ATP11B: variants seen among roughly 807,000 people sequenced by gnomAD.
ATP11B encodes the protein ATPase phospholipid transporting 11B (putative), also known as phospholipid-transporting ATPase IF.
Under a neutral mutation model 157.8 loss-of-function variants are expected in ATP11B, and 81 were observed. The observed-to-expected ratio is 0.51, with a 90% CI of 0.43 to 0.62. The LOEUF is 0.62. Ranked by LOEUF, ATP11B falls within the 20% of genes least tolerant of loss-of-function variation. The pLI is 0.00. For synonymous variants in ATP11B, 451 were observed against 469.4 expected (o/e 0.96, Z 0.51); for missense variants, 1,165 against 1,402.2 (o/e 0.83, Z 2.70).
intron 12 of ATP11B, among the ~76,000 whole-genome samples, chr3:182,861,227 G>C (rs1302840794): frequency 6.6e-6 from 1 of 151,818 alleles, no homozygotes; most frequent in African/African-American, 2.4e-5. Flanking sequence ...CACCACGCCC[G>C]GCTAATTTTG....
At chr3:182,844,755 C>G (rs1719335139) in intron 8 of ATP11B, 1 of 165,228 alleles carries the variant, frequency 6.1e-6, no homozygotes, top group South Asian at 2.0e-4. Context: ...TTTATTTTCC[C>G]TTTCAAAGCT....
At chr3:182,820,668 CA>C (rs572679394) in intron 2 of ATP11B, among the ~76,000 whole-genome samples, 2,980 of 143,154 alleles carry the variant, frequency 0.021, 46 homozygotes, top group Non-Finnish European at 0.033. Context: ...GACCATGTCT[CA>C]AAAAAAAAAA....
intron 19 of ATP11B, among the ~76,000 whole-genome samples, chr3:182,876,962 T>C (rs1161932615): frequency 4.6e-5 from 7 of 152,346 alleles, no homozygotes; most frequent in Admixed American, 3.9e-4. Flanking sequence ...TCACAGACTT[T>C]CAGGAAGTAT....
chr3:182,851,084 G>A (rs539769848), intron 10 of ATP11B, among the ~76,000 whole-genome samples: 2 of 152,262 alleles, frequency 1.3e-5, no homozygotes, highest in African/African-American at 4.8e-5. Context: ...CTTGAAGTCA[G>A]GAGTTCAAGG....
chr3:182,862,585 A>G (rs948703463), intron 12 of ATP11B, among the ~76,000 whole-genome samples: 1 of 152,106 alleles, frequency 6.6e-6, no homozygotes, highest in Non-Finnish European at 1.5e-5. Flanking sequence ...CAGAATTTAA[A>G]CTACTCCTGA....
chr3:182,845,009 T>TTTTTTTTTTTTTTTTTTTTTA (rs1560081876), intron 8 of ATP11B, among the ~76,000 whole-genome samples: 3 of 112,090 alleles, frequency 2.7e-5, no homozygotes, highest in South Asian at 2.7e-4. Flanking sequence ...TTTTTTTATT[T>TTTTTTTTTTTTTTTTTTTTTA]TTTTTTATTT....
At chr3:182,809,524 C>G (rs1413285334) in intron 1 of ATP11B, among the ~76,000 whole-genome samples, 1 of 152,202 alleles carries the variant, frequency 6.6e-6, no homozygotes, top group African/African-American at 2.4e-5. Flanking sequence ...GCTGGGATTA[C>G]AGGTGTGAGC....
At chr3:182,905,562 T>C (rs1724285899) in intron 28 of ATP11B, among the ~76,000 whole-genome samples, 1 of 152,236 alleles carries the variant, frequency 6.6e-6, no homozygotes, top group Admixed American at 6.5e-5. Context: ...AGCTGTAATA[T>C]ATGTTTAGTT....
At chr3:182,835,327 C>G (rs1184941953) in intron 4 of ATP11B, among the ~76,000 whole-genome samples, 1 of 152,154 alleles carries the variant, frequency 6.6e-6, no homozygotes, top group Non-Finnish European at 1.5e-5. Context: ...TTCCAAAAAT[C>G]TGCTCATTTT....
At position 182,852,406 on chromosome 3, in the gene ATP11B, T is replaced by C. The variant is rs538645353; in HGVS notation, c.851+3849T>C. Among the ~76,000 whole-genome samples, 54 of 152,302 alleles carry C rather than the reference T, an allele frequency of 3.5e-4. 1 individual carries two copies. The South Asian group carries it at 0.01, about 29-fold the overall frequency. ...AGGGATGAAAGAGGGGATAGCTCCA[T>C]AGATGCTACACATATCCAAGGATAA... On this transcript the variant is annotated intron_variant, in intron 10 of 29. Transcript: ENST00000323116.
intron 28 of ATP11B, among the ~76,000 whole-genome samples, chr3:182,900,118 G>A (rs2136333): frequency 0.48 from 73,083 of 152,014 alleles, 20,396 homozygotes; most frequent in African/African-American, 0.78. Flanking sequence ...TCAGTAGTTC[G>A]TGTCCACAAC....
chr3:182,855,834 C>T (rs1363058832), intron 10 of ATP11B, among the ~76,000 whole-genome samples: 2 of 152,074 alleles, frequency 1.3e-5, no homozygotes, highest in African/African-American at 4.8e-5. Flanking sequence ...CAAATTAGAA[C>T]CACATTGGGA....
intron 28 of ATP11B, among the ~76,000 whole-genome samples, chr3:182,911,455 A>G (rs1724791142): frequency 6.6e-6 from 1 of 152,112 alleles, no homozygotes; most frequent in Non-Finnish European, 1.5e-5. Flanking sequence ...GGGCTCTGCA[A>G]GCAAAGAAAC....
At chr3:182,825,861 C>T (rs559115094) in intron 2 of ATP11B, among the ~76,000 whole-genome samples, 1 of 152,190 alleles carries the variant, frequency 6.6e-6, no homozygotes, top group East Asian at 1.9e-4. Flanking sequence ...GATTGCGCCA[C>T]TGCACTCCAG....
chr3:182,800,258 G>T (rs1317483219), intron 1 of ATP11B, among the ~76,000 whole-genome samples: 6 of 151,468 alleles, frequency 4.0e-5, no homozygotes, highest in African/African-American at 1.2e-4. Context: ...GCCTCACTTT[G>T]TCTCCCAGGC....
At chr3:182,808,005 G>A (rs1395168406) in intron 1 of ATP11B, among the ~76,000 whole-genome samples, 3 of 152,160 alleles carry the variant, frequency 2.0e-5, no homozygotes, top group Non-Finnish European at 4.4e-5. Flanking sequence ...TTCTTTATAA[G>A]TGATACACAT....
chr3:182,843,494 T>C (rs1719215662), intron 8 of ATP11B: 2 of 152,234 alleles, frequency 1.3e-5, no homozygotes, highest in Admixed American at 6.5e-5. Flanking sequence ...AATCATTCAG[T>C]GCAAGCTGGG....
chr3:182,877,530 G>A (rs540831705), intron 19 of ATP11B, among the ~76,000 whole-genome samples: 4 of 152,084 alleles, frequency 2.6e-5, no homozygotes, highest in Admixed American at 6.6e-5. Flanking sequence ...CAGTCCCAGC[G>A]TCTTGGGAGG....
At chr3:182,883,694 G>A (rs543206036) in intron 21 of ATP11B, among the ~76,000 whole-genome samples, 3 of 151,706 alleles carry the variant, frequency 2.0e-5, no homozygotes, top group East Asian at 3.9e-4. Context: ...GGTGGCTCAC[G>A]CCTGTAATCC....
Sources: allele counts gnomAD v4.1 joint callset (sites outside exome capture counted in the v4.1 genomes callset), GRCh38; gene constraint gnomAD v4.1.1; transcripts MANE v1.5; gene names NCBI Gene and HGNC (gene_info 2026-07-23, HGNC 2026-07-21).